The following HS3ST5 variants were observed in gnomAD, a reference collection of about 807,000 sequenced individuals.
HS3ST5 encodes heparan sulfate-glucosamine 3-sulfotransferase 5.
HS3ST5 carries 10 observed loss-of-function variants against 25.4 expected under a neutral mutation model. That is an observed-to-expected ratio of 0.39 (90% confidence interval 0.24 to 0.67). The LOEUF (loss-of-function observed/expected upper bound fraction) is 0.67. HS3ST5 is among the 30% of genes least tolerant of loss of function. The pLI is 0.44. For synonymous variants in HS3ST5, 170 were observed against 162.4 expected, an observed-to-expected ratio of 1.05 and a Z score of -0.36; for missense variants, 324 against 420.7, an observed-to-expected ratio of 0.77 and a Z score of 2.01.
intron 1 of HS3ST5, among the ~76,000 whole-genome samples, chr6:114,341,222 G>GAGAGAGAGAGAGAGAGAGAGA (rs1776838943): frequency 6.4e-5 from 3 of 46,600 alleles, no homozygotes; most frequent in African/African-American, 3.7e-4. Flanking sequence ...GGAGAGAGGG[G>GAGAGAGAGAGAGAGAGAGAGA]GAGAGAGAGA....
chr6:114,074,308 CAA>C (rs111852622), intron 3 of HS3ST5, among the ~76,000 whole-genome samples: 4 of 136,442 alleles, frequency 2.9e-5, no homozygotes, highest in African/African-American at 8.0e-5. Flanking sequence ...AAAAAAAGAG[CAA>C]AAAAAAAAAG....
chr6:114,084,515 C>A, intron 3 of HS3ST5: 1 of 758,532 alleles, frequency 1.3e-6, no homozygotes, highest in South Asian at 1.3e-5. Context: ...CGCAGAACTT[C>A]CCGAGCCGGC....
intron 1 of HS3ST5, among the ~76,000 whole-genome samples, chr6:114,314,844 AGATTT>A (rs1775685404): frequency 6.6e-6 from 1 of 152,244 alleles, no homozygotes; most frequent in Non-Finnish European, 1.5e-5. Context: ...CAGAAGTTTT[AGATTT>A]AAGACTTGGC....
At chr6:114,306,845 C>A (rs1212001170) in intron 1 of HS3ST5, among the ~76,000 whole-genome samples, 1 of 152,134 alleles carries the variant, frequency 6.6e-6, no homozygotes, top group African/African-American at 2.4e-5. Flanking sequence ...AGAGACTCCC[C>A]AAATGCTAAA....
At chr6:114,111,737 G>A (rs1776277972) in intron 3 of HS3ST5, among the ~76,000 whole-genome samples, 1 of 152,092 alleles carries the variant, frequency 6.6e-6, no homozygotes, top group Non-Finnish European at 1.5e-5. Context: ...CCAATGCTAG[G>A]TATTTGACTT....
chr6:114,285,386 C>T (rs1313174463), intron 1 of HS3ST5, among the ~76,000 whole-genome samples: 1 of 151,888 alleles, frequency 6.6e-6, no homozygotes, highest in African/African-American at 2.4e-5. Context: ...CAACACACCC[C>T]TATGAAACAA....
At chr6:114,280,008 A>C (rs550269435) in intron 1 of HS3ST5, among the ~76,000 whole-genome samples, 1 of 152,018 alleles carries the variant, frequency 6.6e-6, no homozygotes, top group Non-Finnish European at 1.5e-5. Flanking sequence ...GCTAAATTAC[A>C]TGGTACTGGA....
At chr6:114,069,231 T>A (rs1407273059) in intron 3 of HS3ST5, among the ~76,000 whole-genome samples, 1 of 152,188 alleles carries the variant, frequency 6.6e-6, no homozygotes, top group Non-Finnish European at 1.5e-5. Context: ...TATTAGCTCA[T>A]TTATCCTGGG....
chr6:114,162,376 GAACT>G (rs1779015136), intron 3 of HS3ST5, among the ~76,000 whole-genome samples: 1 of 152,056 alleles, frequency 6.6e-6, no homozygotes, highest in Non-Finnish European at 1.5e-5. Flanking sequence ...GTCTTCCTTT[GAACT>G]ATCTCTTACA....
At chr6:114,214,960 GTAA>G (rs1274240804) in intron 2 of HS3ST5, among the ~76,000 whole-genome samples, 1 of 152,120 alleles carries the variant, frequency 6.6e-6, no homozygotes, top group East Asian at 1.9e-4. Context: ...CTGAGATAGA[GTAA>G]TTACTCCCTA....
chr6:114,186,503 G>C (rs572747416), intron 2 of HS3ST5, among the ~76,000 whole-genome samples: 4 of 152,264 alleles, frequency 2.6e-5, no homozygotes, highest in Admixed American at 2.6e-4. Context: ...TTCTATGAAG[G>C]CTGAGAGACG....
chr6:114,162,075 C>T (rs924970416), intron 3 of HS3ST5, among the ~76,000 whole-genome samples: 5 of 151,884 alleles, frequency 3.3e-5, no homozygotes, highest in African/African-American at 1.2e-4. Context: ...TCTGTATCTG[C>T]AGTTATTATT....
intron 1 of HS3ST5, among the ~76,000 whole-genome samples, chr6:114,288,274 G>C (rs1462657873): frequency 1.3e-5 from 2 of 151,862 alleles, no homozygotes; most frequent in Admixed American, 6.6e-5. Flanking sequence ...ATAACCAAAG[G>C]GCAATTATTG....
chr6:114,223,663 G>T lies in HS3ST5; in HGVS notation c.-145+4922C>A, dbSNP rs78298560. Among the ~76,000 whole-genome samples the T allele has an allele frequency of 1.1e-4, 17 of 151,760 alleles. No homozygotes were observed. The East Asian group carries it at 2.5e-3, about 22-fold the overall frequency. ...CAAATCAAAAAAGTTTTATGCATACGTTTACAGCCTTATTGGAAGCTTGCT... is the reference window on the plus strand; with the variant it reads ...CAAATCAAAAAAGTTTTATGCATACTTTTACAGCCTTATTGGAAGCTTGCT... On this transcript the variant is annotated intron_variant, in intron 2 of 4. Transcript: ENST00000312719.
chr6:114,269,844 C>A (rs1263175570), intron 1 of HS3ST5, among the ~76,000 whole-genome samples: 2 of 152,120 alleles, frequency 1.3e-5, no homozygotes, highest in African/African-American at 4.8e-5. Flanking sequence ...AACCAAGACC[C>A]TCAGGGCTAG....
chr6:114,248,217 A>AAAAATAT (rs779273890), intron 1 of HS3ST5, among the ~76,000 whole-genome samples: 1 of 143,148 alleles, frequency 7.0e-6, no homozygotes, highest in South Asian at 2.2e-4. Flanking sequence ...TGAAAAAAAA[A>AAAAATAT]ATATATATAT....
chr6:114,126,436 T>C (rs1435526833), intron 3 of HS3ST5, among the ~76,000 whole-genome samples: 1 of 152,154 alleles, frequency 6.6e-6, no homozygotes, highest in Admixed American at 6.6e-5. Context: ...AAAAGCACTA[T>C]CTATACACAT....
At chr6:114,206,380 C>A (rs1194742740) in intron 2 of HS3ST5, among the ~76,000 whole-genome samples, 1 of 152,126 alleles carries the variant, frequency 6.6e-6, no homozygotes, top group African/African-American at 2.4e-5. Flanking sequence ...TAGCAAATTG[C>A]ATCTTATTCA....
At chr6:114,135,234 C>T (rs1777536243) in intron 3 of HS3ST5, among the ~76,000 whole-genome samples, 1 of 152,222 alleles carries the variant, frequency 6.6e-6, no homozygotes, top group African/African-American at 2.4e-5. Context: ...TTCCTACACC[C>T]TGATCATTCC....
Sources: allele counts gnomAD v4.1 joint callset (sites outside exome capture counted in the v4.1 genomes callset), GRCh38; gene constraint gnomAD v4.1.1; transcripts MANE v1.5; gene names NCBI Gene and HGNC (gene_info 2026-07-23, HGNC 2026-07-21).